ROBO1: variants seen among roughly 807,000 people sequenced by gnomAD.
The protein encoded by ROBO1 is roundabout homolog 1.
ROBO1 carries 149 observed loss-of-function variants against 195.9 expected under a neutral mutation model. The ratio of observed to expected loss-of-function variants is 0.76; its 90% CI spans 0.67 to 0.87. The LOEUF (loss-of-function observed/expected upper bound fraction) is 0.87, where lower values mean the gene tolerates loss of function less well. ROBO1 is among the 40% of genes least tolerant of loss of function. ROBO1 has a pLI of 0.00. For missense variants in ROBO1, 1,933 were observed against 2,068.3 expected, an observed-to-expected ratio of 0.93 and a Z score of 1.27; for synonymous variants, 816 against 733.2, an observed-to-expected ratio of 1.11 and a Z score of -1.82.
chr3:79,354,032 G>A (rs1044712532), intron 2 of ROBO1, among the ~76,000 whole-genome samples: 16 of 150,452 alleles, frequency 1.1e-4, no homozygotes, highest in African/African-American at 2.2e-4. Flanking sequence ...GCGACAGAGC[G>A]AGACTCTGTC....
intron 2 of ROBO1, among the ~76,000 whole-genome samples, chr3:79,149,195 C>T (rs759388331): frequency 5.3e-5 from 8 of 151,880 alleles, no homozygotes; most frequent in Non-Finnish European, 1.0e-4. Context: ...AATTATATCA[C>T]GTTTATTATA....
rs115108576 is a variant in ROBO1, at chr3:79,139,623, A to G, written c.89-14084T>C. Reference sequence around the variant, plus strand: ...TCAAAATCCTCAAATCAAATCCTCAATAATATCTGATGTGACAGATACCTT... The same window carrying G: ...TCAAAATCCTCAAATCAAATCCTCAGTAATATCTGATGTGACAGATACCTT... On this transcript the variant is annotated intron_variant, in intron 2 of 30. Transcript: ENST00000464233. Among the ~76,000 whole-genome samples, 387 of 152,304 alleles carry G rather than the reference A, an allele frequency of 2.5e-3. 1 individual carries two copies. The highest frequency in any genetic ancestry group is 8.5e-3 in the African/African-American group (352 of 41,576).
At chr3:79,613,637 T>C (rs1944731742) in intron 1 of ROBO1, among the ~76,000 whole-genome samples, 1 of 152,086 alleles carries the variant, frequency 6.6e-6, no homozygotes, top group Non-Finnish European at 1.5e-5. Context: ...AATTATATTA[T>C]AAGATCTCTA....
chr3:79,019,594 T>C (rs2078055248), intron 3 of ROBO1: 3 of 976,768 alleles, frequency 3.1e-6, no homozygotes, highest in Admixed American at 6.2e-5. Flanking sequence ...AGGCAAGTTC[T>C]GCTCCTCAAT....
At chr3:79,519,382 A>G (rs1337402827) in intron 2 of ROBO1, among the ~76,000 whole-genome samples, 2 of 151,916 alleles carry the variant, frequency 1.3e-5, no homozygotes, top group Non-Finnish European at 2.9e-5. Flanking sequence ...TGTAATCCCA[A>G]CACTTTGGGA....
At chr3:78,992,550 A>C (rs981561602) in intron 3 of ROBO1, among the ~76,000 whole-genome samples, 1 of 152,172 alleles carries the variant, frequency 6.6e-6, no homozygotes, top group African/African-American at 2.4e-5. Context: ...AGTTTGTGTC[A>C]CTTGAATTAT....
chr3:79,598,122 T>C (rs920754150), intron 1 of ROBO1, among the ~76,000 whole-genome samples: 11 of 152,106 alleles, frequency 7.2e-5, no homozygotes. Context: ...ATATCACAAA[T>C]GTGGTAATTT....
At chr3:78,925,692 T>G (rs1284000071) in intron 4 of ROBO1, among the ~76,000 whole-genome samples, 2 of 152,020 alleles carry the variant, frequency 1.3e-5, no homozygotes, top group African/African-American at 4.8e-5. Context: ...CGGTGAGAAG[T>G]AAGTGCCAAA....
chr3:79,675,029 A>G (rs6548646), intron 1 of ROBO1, among the ~76,000 whole-genome samples: 41,352 of 151,826 alleles, frequency 0.27, 6,367 homozygotes, highest in African/African-American at 0.42. Flanking sequence ...TGTCATTTCA[A>G]TTCCAAATAT....
intron 4 of ROBO1, among the ~76,000 whole-genome samples, chr3:78,797,607 T>C (rs1244741108): frequency 6.6e-6 from 1 of 152,160 alleles, no homozygotes; most frequent in East Asian, 1.9e-4. Flanking sequence ...GAGAACATTC[T>C]TTAGCCACTT....
chr3:79,154,519 A>G (rs2108646608), intron 2 of ROBO1, among the ~76,000 whole-genome samples: 1 of 151,904 alleles, frequency 6.6e-6, no homozygotes, highest in Non-Finnish European at 1.5e-5. Flanking sequence ...AAAGTATGGC[A>G]TGAAACAACT....
intron 4 of ROBO1, among the ~76,000 whole-genome samples, chr3:78,877,028 A>G (rs149949400): frequency 1.2e-4 from 19 of 152,276 alleles, no homozygotes; most frequent in African/African-American, 2.2e-4. Flanking sequence ...ATAGGACATA[A>G]GCAAGAAGTA....
chr3:79,674,885 A>C (rs1258956675), intron 1 of ROBO1, among the ~76,000 whole-genome samples: 1 of 151,154 alleles, frequency 6.6e-6, no homozygotes, highest in Non-Finnish European at 1.5e-5. Flanking sequence ...GAAATAAAGA[A>C]ACATTACTCA....
At chr3:78,922,564 T>G (rs2038994026) in intron 4 of ROBO1, among the ~76,000 whole-genome samples, 1 of 151,666 alleles carries the variant, frequency 6.6e-6, no homozygotes, top group Admixed American at 6.6e-5. Context: ...TACTTTTTTA[T>G]AAAACCACTG....
chr3:78,894,728 G>T (rs946156602), intron 4 of ROBO1, among the ~76,000 whole-genome samples: 45 of 152,152 alleles, frequency 3.0e-4, no homozygotes, highest in African/African-American at 1.1e-3. Flanking sequence ...GTGCTGTTCT[G>T]CCCATTGTGG....
At chr3:79,328,661 G>T (rs1308795641) in intron 2 of ROBO1, among the ~76,000 whole-genome samples, 2 of 151,914 alleles carry the variant, frequency 1.3e-5, no homozygotes, top group Admixed American at 1.3e-4. Flanking sequence ...GGGAACATGG[G>T]TTTTTTTGGC....
intron 25 of ROBO1, among the ~76,000 whole-genome samples, chr3:78,628,218 TGCTGG>T (rs1309382357): frequency 1.8e-4 from 27 of 152,322 alleles, no homozygotes; most frequent in Non-Finnish European, 1.2e-4. Flanking sequence ...CCTCCCAAAG[TGCTGG>T]GATTACAGGC....
intron 3 of ROBO1, among the ~76,000 whole-genome samples, chr3:79,029,942 C>T (rs1220438050): frequency 6.6e-6 from 1 of 152,142 alleles, no homozygotes; most frequent in Non-Finnish European, 1.5e-5. Flanking sequence ...TAATGACTTG[C>T]TTACCAATGG....
chr3:79,295,181 A>G (rs1055854578), intron 2 of ROBO1, among the ~76,000 whole-genome samples: 12 of 152,202 alleles, frequency 7.9e-5, no homozygotes, highest in African/African-American at 2.7e-4. Context: ...CACAATAGCA[A>G]ATACCTGGAA....
Sources: gnomAD v4.1 joint callset for allele counts (sites outside exome capture counted in the v4.1 genomes callset) on GRCh38, gnomAD v4.1.1 for gene constraint, MANE v1.5 for transcripts, NCBI Gene and HGNC (gene_info 2026-07-23, HGNC 2026-07-21) for gene names.